RC3H2: variants seen among roughly 807,000 people sequenced by gnomAD.
RC3H2 encodes the protein roquin-2.
In RC3H2, 31 loss-of-function variants were observed where a neutral mutation model predicts 133.3. That is an observed-to-expected ratio of 0.23 (90% CI 0.17 to 0.31). RC3H2 has a LOEUF of 0.31. Ranked by LOEUF, RC3H2 falls within the 10% of genes least tolerant of loss-of-function variation. The pLI, the probability that RC3H2 is intolerant of heterozygous loss-of-function variation, is 1.00. For missense variants in RC3H2, 1,175 were observed against 1,437.2 expected, an observed-to-expected ratio of 0.82 and a Z score of 2.95; for synonymous variants, 517 against 502.2, an observed-to-expected ratio of 1.03 and a Z score of -0.40.
Position 122,905,312 on chromosome 9 carries a change from G to GCCT in RC3H2, c.-273_-271dup, listed in dbSNP as rs796650577. The GCCT allele has an allele frequency of 7.0e-4, 688 of 979,638 alleles. No homozygotes were observed. The highest frequency in any genetic ancestry group is 3.3e-3 in the African/African-American group (191 of 57,192). The allele number at this position is 979,638 out of a possible 1,614,324, so 60.7% of individuals were successfully genotyped here. A position where few individuals can be genotyped will look rare whatever the true frequency, so the allele number is the denominator to read the frequency against. Reference sequence around the variant, plus strand: ...GCCTCCTCCTCCTCCCTCCACCTCCGCCTCCTCCTCCTCCTCCTCCTCACC... The same window carrying GCCT: ...GCCTCCTCCTCCTCCCTCCACCTCCGCCTCCTCCTCCTCCTCCTCCTCCTCACC... On this transcript the variant is annotated 5_prime_UTR_variant, in exon 1 of 21. Transcript: ENST00000357244.
rs1830011471 is a variant in RC3H2 at position 122,851,376 on chromosome 9, C to T, written c.3178G>A (p.Glu1060Lys). 2 of 1,614,196 alleles carry T rather than the reference C, an allele frequency of 1.2e-6. No individual in the cohort carries two copies. The highest frequency in any genetic ancestry group is 1.7e-6 in the Non-Finnish European group (2 of 1,180,024). The change falls in exon 19 of 21, where the codon GAG (glutamate) becomes AAG (lysine). Residue 1060 changes from glutamate to lysine, a missense_variant. This residue lies in a region of RC3H2 where 220 missense variants were observed against 201.1 expected (regional missense o/e 1.09). Transcript: ENST00000357244. ...TCATCAGTATCAAGTGCTGAAAGCTCTAACTCGATATCCCTATCAGGTTTA... is the reference window on the plus strand; with the variant it reads ...TCATCAGTATCAAGTGCTGAAAGCTTTAACTCGATATCCCTATCAGGTTTA... ...DTKPDRDIEL[E>K]LSALDTDEPD...
Position 122,865,457 on chromosome 9 carries a change from C to A in RC3H2, c.1526G>T (p.Arg509Leu), listed in dbSNP as rs536446038. 1 of 1,614,158 alleles carries A rather than the reference C, an allele frequency of 6.2e-7. No individual in the cohort carries two copies. The highest frequency in any genetic ancestry group is 8.5e-7 in the Non-Finnish European group (1 of 1,180,012). The stretch of plus-strand genomic sequence containing the variant: ...AGCTCTTAAGGTACTGTCAGTACTA[C>A]GTGAGATTAGCTGGGAAACACTGTT... ...AENSVSQLIS[R>L]STDSTLRALE... The change falls in exon 10 of 21, where the codon CGT becomes CTT. Residue 509 changes from arginine (R) to leucine (L), a missense_variant. By Grantham distance (102) the Arg-to-Leu change is moderately radical (BLOSUM62 -2). Around this residue, in one of 8 missense-constraint regions of RC3H2, gnomAD observed 490 missense variants for 492.8 expected, o/e 0.99. Transcript: ENST00000357244.
chr9:122,851,554 C>A lies in RC3H2; in HGVS notation c.3118-118G>T. On this transcript the variant is annotated intron_variant, in intron 18 of 20. Transcript: ENST00000357244. ...GTCTCCCTCTCATGCCGAGCCGAAG[C>A]TGGACTATACTGCTGCCATCTCGGC... 3.0e-6 allele frequency: 4 copies of A among 1,316,704 alleles called. No homozygotes were observed. The African/African-American group carries it at 4.4e-5, about 14-fold the overall frequency. 81.6% of individuals were successfully genotyped at this position (1,316,704 alleles called of 1,614,324 possible).
At chr9:122,876,818 T>C (rs1332697031) in intron 9 of RC3H2, among the ~76,000 whole-genome samples, 3 of 151,778 alleles carry the variant, frequency 2.0e-5, no homozygotes, top group East Asian at 3.9e-4. Flanking sequence ...GGGTTAACCA[T>C]AGGAGAAGAG....
intron 15 of RC3H2, 107 bp from the exon 16 acceptor site, chr9:122,854,722 T>A: frequency 1.3e-6 from 1 of 745,514 alleles, no homozygotes; most frequent in East Asian, 2.6e-5. Context: ...ACTAGCCATA[T>A]GATGCTGGTT....
intron 2 of RC3H2, among the ~76,000 whole-genome samples, chr9:122,897,002 G>T (rs904049712): frequency 2.8e-4 from 39 of 138,332 alleles, no homozygotes; most frequent in African/African-American, 8.5e-4. Flanking sequence ...CACCAGCCTG[G>T]GTGACAGAGT....
At chr9:122,891,896 C>T (rs1164577072) in intron 3 of RC3H2, among the ~76,000 whole-genome samples, 1 of 152,220 alleles carries the variant, frequency 6.6e-6, no homozygotes, top group East Asian at 1.9e-4. Context: ...ATTTATTACA[C>T]TTGTACATCT....
At chr9:122,894,983 G>C (rs1042941596) in intron 2 of RC3H2, among the ~76,000 whole-genome samples, 1 of 152,170 alleles carries the variant, frequency 6.6e-6, no homozygotes, top group South Asian at 2.1e-4. Context: ...GTATATCTGA[G>C]AACTGGCTAA....
rs1830317084 is a variant in RC3H2, at chr9:122,858,030, C to T, written c.2347G>A (p.Ala783Thr). 8 of 1,614,170 alleles carry T rather than the reference C, an allele frequency of 5.0e-6. No homozygotes were observed. The highest frequency in any genetic ancestry group is 6.8e-6 in the Non-Finnish European group (8 of 1,179,980). The change falls in exon 13 of 21, where the codon GCA becomes ACA. Residue 783 changes from alanine to threonine, a missense_variant. Ala to Thr is a moderately conservative substitution (Grantham distance 58). Coordinates refer to ENST00000357244, the MANE Select transcript of RC3H2 (RefSeq NM_001100588.3). ...EQIRRKPDQW[A>T]QYHTQKAPLV... ...GGTGCTTTCTGAGTGTGGTACTGTG[C>T]CCACTGATCTGGCTTTCTTCTTATC...
In RC3H2 at chr9:122,846,247, GT is replaced by G. The variant is rs1249541648; in HGVS notation, c.*3379del. The G allele has an allele frequency of 1.3e-5, 2 of 152,120 alleles. No individual in the cohort carries two copies. The highest frequency in any genetic ancestry group is 4.8e-5 in the African/African-American group (2 of 41,430). The allele number at this position is 152,120 out of a possible 1,614,324, so 9.4% of individuals were successfully genotyped here. ...AGATCCATACAAATGGAAAATTTCA[GT>G]TCTTGTATAGGAAATTTCTTTTATT... is the stretch of plus-strand genomic sequence containing the variant. On this transcript the variant is annotated 3_prime_UTR_variant, in exon 21 of 21. Coordinates refer to ENST00000357244, the MANE Select transcript of RC3H2 (RefSeq NM_001100588.3).
At chr9:122,852,895 T>C (rs1416168185) in intron 18 of RC3H2, among the ~76,000 whole-genome samples, 2 of 152,096 alleles carry the variant, frequency 1.3e-5, no homozygotes, top group African/African-American at 2.4e-5. Context: ...CAACAGCTCA[T>C]TGAGAACGGG....
At chr9:122,903,343 A>C (rs898630177) in intron 1 of RC3H2, among the ~76,000 whole-genome samples, 1 of 152,258 alleles carries the variant, frequency 6.6e-6, no homozygotes, top group Non-Finnish European at 1.5e-5. Context: ...TAGTTACTAA[A>C]ACCTTGTTAT....
At chr9:122,862,005 A>G (rs1331354164) in intron 10 of RC3H2, among the ~76,000 whole-genome samples, 1 of 152,228 alleles carries the variant, frequency 6.6e-6, no homozygotes, top group Non-Finnish European at 1.5e-5. Context: ...TGGTTATTTG[A>G]GTCTATTCCA....
intron 9 of RC3H2, among the ~76,000 whole-genome samples, chr9:122,866,704 G>C: frequency 6.6e-6 from 1 of 152,196 alleles, no homozygotes; most frequent in Non-Finnish European, 1.5e-5. Flanking sequence ...GGTTCACTCA[G>C]TGCTCAGTGG....
intron 9 of RC3H2, among the ~76,000 whole-genome samples, chr9:122,875,942 G>A (rs1318901472): frequency 6.6e-6 from 1 of 152,162 alleles, no homozygotes; most frequent in East Asian, 1.9e-4. Context: ...GAAGAAGGGT[G>A]GTATGAGTAA....
rs1173544957 is a variant in RC3H2, at chr9:122,890,287, AAGGTAAGATAGTAACC to A, written c.583+9_583+24del. ...CCTCAAGCCCCAATAGCTAATAAAA[AAGGTAAGATAGTAACC>A]TATCTTACCTGGCCCTAAAAACTGG... On this transcript the variant is annotated intron_variant, in intron 4 of 20. Coordinates refer to ENST00000357244, the MANE Select transcript of RC3H2 (RefSeq NM_001100588.3). 3.8e-6 allele frequency: 6 copies of A among 1,593,002 alleles called. No individual in the cohort carries two copies. Among genetic ancestry groups the A allele is most frequent in the Non-Finnish European group, 5.2e-6 (6 of 1,161,978 alleles).
chr9:122,878,071 AATGAG>A, intron 8 of RC3H2, among the ~76,000 whole-genome samples: 1 of 152,190 alleles, frequency 6.6e-6, no homozygotes, highest in East Asian at 1.9e-4. Flanking sequence ...GAGTTCATAC[AATGAG>A]GCAGAATATT....
chr9:122,889,183 A>G (rs149227031), intron 4 of RC3H2, among the ~76,000 whole-genome samples: 1 of 152,212 alleles, frequency 6.6e-6, no homozygotes, highest in East Asian at 1.9e-4. Flanking sequence ...TCATTTGCTT[A>G]TAATTTTTTT....
rs551669564 is a variant in RC3H2 at position 122,893,953 on chromosome 9, T to C, written c.232-927A>G. Among the ~76,000 whole-genome samples the C allele has an allele frequency of 5.8e-4, 88 of 152,168 alleles. 1 individual carries two copies. In the South Asian group the frequency reaches 0.012, roughly 20 times the overall value. The stretch of plus-strand genomic sequence containing the variant: ...AATGAAGATGAAAATCTGTATTTTG[T>C]AGTGCCGCTATAAAAGTTCAATACA... On this transcript the variant is annotated intron_variant, in intron 2 of 20. Coordinates refer to ENST00000357244, the MANE Select transcript of RC3H2 (RefSeq NM_001100588.3).
Sources: allele counts gnomAD v4.1 joint callset (sites outside exome capture counted in the v4.1 genomes callset), GRCh38; gene constraint gnomAD v4.1.1; regional missense constraint gnomAD v4.1.1; transcripts MANE v1.5; gene names NCBI Gene and HGNC (gene_info 2026-07-23, HGNC 2026-07-21).